SLC35F4: variants seen among roughly 807,000 people sequenced by gnomAD.
The protein encoded by SLC35F4 is chromosome 14 open reading frame 36.
In SLC35F4, 24 loss-of-function variants were observed where a neutral mutation model predicts 44.2. The ratio of observed to expected loss-of-function variants is 0.54; its 90% CI spans 0.39 to 0.76. The LOEUF is 0.76. Ranked by LOEUF, SLC35F4 falls within the 30% of genes least tolerant of loss-of-function variation. The probability of loss-of-function intolerance (pLI) is 0.00; values close to 1 mark genes in which losing one functional copy is unlikely to be tolerated. For missense variants in SLC35F4, 562 were observed against 586.1 expected, an observed-to-expected ratio of 0.96 and a Z score of 0.42; for synonymous variants, 238 against 223.6, an observed-to-expected ratio of 1.06 and a Z score of -0.57.
chr14:57,953,755 A>G (rs1015256575), intron 1 of SLC35F4, among the ~76,000 whole-genome samples: 2 of 152,228 alleles, frequency 1.3e-5, no homozygotes, highest in Non-Finnish European at 2.9e-5. Context: ...CACCCAATAC[A>G]GGAGCACCCA....
At chr14:57,741,976 C>T (rs1011885078) in intron 1 of SLC35F4, among the ~76,000 whole-genome samples, 7 of 152,094 alleles carry the variant, frequency 4.6e-5, no homozygotes, top group African/African-American at 1.7e-4. Context: ...CCAAACTACG[C>T]TTCATAAGTG....
chr14:57,590,096 G>A (rs538266406), intron 2 of SLC35F4, among the ~76,000 whole-genome samples: 34 of 136,484 alleles, frequency 2.5e-4, no homozygotes, highest in African/African-American at 3.3e-4. Context: ...TTTTTTTTAC[G>A]TTATAGCAAA....
chr14:57,802,548 A>T (rs2078216007), intron 1 of SLC35F4, among the ~76,000 whole-genome samples: 1 of 152,070 alleles, frequency 6.6e-6, no homozygotes, highest in African/African-American at 2.4e-5. Context: ...TTTTTGAAAA[A>T]AATTAATAAA....
intron 1 of SLC35F4, among the ~76,000 whole-genome samples, chr14:57,874,181 G>T (rs961228023): frequency 1.3e-5 from 2 of 152,118 alleles, no homozygotes; most frequent in Non-Finnish European, 2.9e-5. Context: ...TGTTTCAAAA[G>T]GATTTTCTTC....
chr14:57,939,521 C>T (rs548668484), intron 1 of SLC35F4, among the ~76,000 whole-genome samples: 17 of 152,238 alleles, frequency 1.1e-4, no homozygotes, highest in Middle Eastern at 3.4e-3. Context: ...TTCCATGTTG[C>T]CCTAAGATCA....
chr14:57,594,413 G>C (rs147109330), intron 1 of SLC35F4, among the ~76,000 whole-genome samples: 1 of 152,070 alleles, frequency 6.6e-6, no homozygotes, highest in African/African-American at 2.4e-5. Flanking sequence ...GGCTGAAGTA[G>C]ATTTTAAAGG....
At chr14:57,622,438 G>A (rs534666296) in intron 1 of SLC35F4, among the ~76,000 whole-genome samples, 57 of 149,064 alleles carry the variant, frequency 3.8e-4, no homozygotes, top group Admixed American at 3.8e-3. Context: ...AACAATGATA[G>A]ACTGGATTAA....
downstream of SLC35F4, among the ~76,000 whole-genome samples, chr14:57,973,585 C>T (rs1881118657): frequency 6.6e-6 from 1 of 152,154 alleles, no homozygotes; most frequent in African/African-American, 2.4e-5. Context: ...GGCCCAATCA[C>T]AGCCTTTTGC....
intron 1 of SLC35F4, among the ~76,000 whole-genome samples, chr14:57,803,969 C>T (rs1459470519): frequency 6.6e-6 from 1 of 152,048 alleles, no homozygotes; most frequent in Admixed American, 6.5e-5. Context: ...CATTCCTGTA[C>T]ACCAACAACA....
chr14:57,905,989 G>A (rs1021787809), intron 1 of SLC35F4, among the ~76,000 whole-genome samples: 1 of 152,066 alleles, frequency 6.6e-6, no homozygotes, highest in Non-Finnish European at 1.5e-5. Flanking sequence ...TGTACCCAGG[G>A]CATTCCGCAC....
intron 1 of SLC35F4, among the ~76,000 whole-genome samples, chr14:57,752,403 G>A (rs35031754): frequency 0.046 from 6,952 of 151,962 alleles, 213 homozygotes; most frequent in Middle Eastern, 0.11. Context: ...TGAGTCCATC[G>A]GTCGGCTCTG....
At chr14:57,895,774 G>A (rs556958541) in intron 1 of SLC35F4, among the ~76,000 whole-genome samples, 1 of 151,546 alleles carries the variant, frequency 6.6e-6, no homozygotes, top group Non-Finnish European at 1.5e-5. Context: ...ACCCAGTCTT[G>A]GGTAGTTCTT....
chr14:57,832,589 A>G (rs62004979), intron 1 of SLC35F4, among the ~76,000 whole-genome samples: 5,909 of 152,312 alleles, frequency 0.039, 261 homozygotes, highest in African/African-American at 0.11. Context: ...TATGTATCCC[A>G]TAACATTGTG....
intron 1 of SLC35F4, among the ~76,000 whole-genome samples, chr14:57,728,420 TTTC>T (rs141933828): frequency 0.25 from 28,560 of 112,160 alleles, 5,335 homozygotes; most frequent in Non-Finnish European, 0.3. Context: ...TCCATTGATT[TTTC>T]TTCTTTTTTC....
chr14:57,601,210 AAAT>A (rs1203811323), intron 1 of SLC35F4, among the ~76,000 whole-genome samples: 1 of 151,862 alleles, frequency 6.6e-6, no homozygotes, highest in Admixed American at 6.6e-5. Flanking sequence ...ATCTTATTAT[AAAT>A]AATAATTATA....
At chr14:57,621,132 G>A (rs979812031) in intron 1 of SLC35F4, among the ~76,000 whole-genome samples, 1 of 151,788 alleles carries the variant, frequency 6.6e-6, no homozygotes, top group African/African-American at 2.4e-5. Context: ...ACCTCTTCAA[G>A]AAGAACTACA....
chr14:57,657,552 C>T (rs1011042453), intron 1 of SLC35F4, among the ~76,000 whole-genome samples: 5 of 152,154 alleles, frequency 3.3e-5, no homozygotes, highest in African/African-American at 9.7e-5. Flanking sequence ...TCATTTCCCC[C>T]AAAATCTAGG....
intron 1 of SLC35F4, among the ~76,000 whole-genome samples, chr14:57,622,704 G>T (rs991557581): frequency 3.3e-5 from 5 of 152,050 alleles, no homozygotes; most frequent in Admixed American, 1.3e-4. Flanking sequence ...AGCATTGGGA[G>T]ATATACCTAA....
intron 1 of SLC35F4, among the ~76,000 whole-genome samples, chr14:57,717,178 A>C (rs2075966388): frequency 1.3e-5 from 2 of 152,184 alleles, no homozygotes; most frequent in African/African-American, 4.8e-5. Context: ...GGAGTGCAGA[A>C]ATGTCTTTGA....
Sources: allele counts gnomAD v4.1 joint callset (sites outside exome capture counted in the v4.1 genomes callset), GRCh38; gene constraint gnomAD v4.1.1; transcripts MANE v1.5; gene names NCBI Gene and HGNC (gene_info 2026-07-23, HGNC 2026-07-21).